ATP13A3: variants seen among roughly 807,000 people sequenced by gnomAD.
The protein encoded by ATP13A3 is ATPase 13A3, also known as polyamine-transporting ATPase 13A3.
In ATP13A3, 59 loss-of-function variants were observed where a neutral mutation model predicts 158.1. The observed-to-expected ratio is 0.37, with a 90% CI of 0.30 to 0.46. The LOEUF (loss-of-function observed/expected upper bound fraction) is 0.46, where lower values mean the gene tolerates loss of function less well. Among genes scored for constraint, ATP13A3 ranks in the 20% least tolerant of loss-of-function variants. The pLI, the probability that ATP13A3 is intolerant of heterozygous loss-of-function variation, is 1.00. For synonymous variants in ATP13A3, 491 were observed against 504.3 expected (o/e 0.97, Z 0.35); for missense variants, 1,166 against 1,525.2 (o/e 0.76, Z 3.92).
chr3:194,429,572 C>A (rs1397030875), intron 27 of ATP13A3, 106 bp downstream of exon 27: 2 of 755,212 alleles, frequency 2.6e-6, no homozygotes, highest in Non-Finnish European at 4.1e-6. Flanking sequence ...GTACTACTCA[C>A]AGAAACAATT....
chr3:194,432,019 T>A, intron 21 of ATP13A3, 127 bp from the exon 22 acceptor site: 2 of 739,036 alleles, frequency 2.7e-6, no homozygotes, highest in Non-Finnish European at 1.9e-6. Context: ...AATGTATGGT[T>A]CTTCCACTTA....
intron 13 of ATP13A3, 40 bp downstream of exon 13, chr3:194,447,812 A>C (rs761732690): frequency 6.6e-7 from 1 of 1,507,182 alleles, no homozygotes; most frequent in Non-Finnish European, 9.1e-7. Context: ...TATGATAAAT[A>C]ATTGAGGTTC....
rs112930664 is a variant in ATP13A3, at chr3:194,486,637, A to G, written c.-160T>C. ...CCTCGCGGCCGGACCAGCCCCAGGG[A>G]CCGCGGGGGACCCGGCCGCCGCTGT... On this transcript the variant is annotated 5_prime_UTR_variant, in exon 1 of 34. Transcript: ENST00000645319. 1 allele frequency: 148,858 copies of G among 148,868 alleles called. 74,424 individuals are homozygous for G. The highest frequency in any genetic ancestry group is 1 in the Middle Eastern group (296 of 296). The allele number at this position is 148,868 out of a possible 1,614,324, so 9.2% of individuals were successfully genotyped here.
intron 30 of ATP13A3, among the ~76,000 whole-genome samples, chr3:194,421,122 A>ATATATATAG (rs1716272717): frequency 2.8e-5 from 2 of 71,954 alleles, no homozygotes; most frequent in African/African-American, 2.2e-4. Context: ...GTGTATATAT[A>ATATATATAG]TATATATATA....
chr3:194,421,134 ATAG>A (rs1303288164), intron 30 of ATP13A3, among the ~76,000 whole-genome samples: 1 of 20,570 alleles, frequency 4.9e-5, no homozygotes, highest in South Asian at 2.3e-3. Context: ...ATATATATAT[ATAG>A]TATATATATA....
rs73889876 is a variant in ATP13A3 at position 194,460,596 on chromosome 3, T to C, written c.225+62A>G. On this transcript the variant is annotated intron_variant, in intron 4 of 33. Transcript: ENST00000645319. ...CCTTCATCTATTATTTCGAATAAAG[T>C]ATACACAAAGACATTGTTTTACTCC... is the stretch of plus-strand genomic sequence containing the variant. 7.6e-3 allele frequency: 11,443 copies of C among 1,512,754 alleles called. 230 individuals carry two copies. The highest frequency in any genetic ancestry group is 0.058 in the East Asian group (2,532 of 43,684). The allele number at this position is 1,512,754 out of a possible 1,614,324, so 93.7% of individuals were successfully genotyped here.
In ATP13A3 at chr3:194,458,340, C is replaced by CA. The variant is rs202177921; in HGVS notation, c.479+1130dup. On this transcript the variant is annotated intron_variant, in intron 6 of 33. Transcript: ENST00000645319. ...AAGGCAGCAGGGGCCAGTGCCAAGT[C>CA]AAAAAAAAAAAAAAATTTTTTTTTT... 5.2e-3 allele frequency among the ~76,000 whole-genome samples: 709 copies of CA among 135,320 alleles called. 1 individual carries two copies. The highest frequency in any genetic ancestry group is 0.011 in the Admixed American group (151 of 13,464). The allele number at this position is 135,320 out of a possible 152,430, so 88.8% of individuals were successfully genotyped here.
chr3:194,481,785 C>T (rs1475717429), intron 2 of ATP13A3, among the ~76,000 whole-genome samples: 1 of 152,184 alleles, frequency 6.6e-6, no homozygotes, highest in African/African-American at 2.4e-5. Context: ...ACTTAAGTGA[C>T]TTTTTCTGGA....
chr3:194,464,649 T>A (rs1199078571), intron 2 of ATP13A3, among the ~76,000 whole-genome samples: 2 of 152,216 alleles, frequency 1.3e-5, no homozygotes, highest in Admixed American at 1.3e-4. Flanking sequence ...GACCTTTTGC[T>A]CTGACACTGT....
At chr3:194,438,770 C>A in intron 17 of ATP13A3, 86 bp downstream of exon 17, 1 of 869,910 alleles carries the variant, frequency 1.1e-6, no homozygotes, top group Non-Finnish European at 1.7e-6. Flanking sequence ...AAGACCTTGT[C>A]TCTATAAAAA....
At position 194,432,131 on chromosome 3, in the gene ATP13A3, A is replaced by T. The variant is rs1011882895; in HGVS notation, c.2246-239T>A. The T allele has an allele frequency of 7.2e-6, 3 of 413,948 alleles. No homozygotes were observed. In the East Asian group the frequency reaches 1.2e-4, roughly 17 times the overall value. 25.6% of individuals were successfully genotyped at this position (413,948 alleles called of 1,614,324 possible). A position where few individuals can be genotyped will look rare whatever the true frequency, so the allele number is the denominator to read the frequency against. On this transcript the variant is annotated intron_variant, in intron 21 of 33. Transcript: ENST00000645319. ...AAAACATCTCACCCACAATTTTTAAAGCCAAATATAATTCTCAATCTTTTC... is the reference window on the plus strand; with the variant it reads ...AAAACATCTCACCCACAATTTTTAATGCCAAATATAATTCTCAATCTTTTC...
At chr3:194,413,714 A>G (rs770988041) in intron 32 of ATP13A3, 45 bp downstream of exon 32, 2 of 1,520,160 alleles carry the variant, frequency 1.3e-6, no homozygotes, top group Admixed American at 1.7e-5. Flanking sequence ...ATCACCCAAG[A>G]ATTCCAAAGC....
At chr3:194,424,135 T>C (rs959051065) in intron 30 of ATP13A3, among the ~76,000 whole-genome samples, 2 of 151,894 alleles carry the variant, frequency 1.3e-5, no homozygotes, top group African/African-American at 2.4e-5. Context: ...AGGTTTTTCA[T>C]CCTGTAGCAT....
intron 29 of ATP13A3, among the ~76,000 whole-genome samples, chr3:194,426,771 C>CT (rs1178196909): frequency 2.6e-5 from 4 of 152,140 alleles, no homozygotes; most frequent in African/African-American, 9.7e-5. Flanking sequence ...AGTGATTCTC[C>CT]TGCCTCAAGC....
intron 13 of ATP13A3, among the ~76,000 whole-genome samples, chr3:194,447,428 G>A (rs894508448): frequency 1.3e-5 from 2 of 152,094 alleles, no homozygotes; most frequent in African/African-American, 4.8e-5. Context: ...TTGACTCAGC[G>A]TGCACACACC....
At chr3:194,434,497 G>A (rs1717474695) in intron 20 of ATP13A3, among the ~76,000 whole-genome samples, 2 of 152,212 alleles carry the variant, frequency 1.3e-5, no homozygotes, top group South Asian at 4.1e-4. Flanking sequence ...GACAAAAAGG[G>A]ATGATCTCTG....
chr3:194,420,897 C>A (rs1241383511), intron 30 of ATP13A3, among the ~76,000 whole-genome samples: 5 of 150,882 alleles, frequency 3.3e-5, no homozygotes, highest in Non-Finnish European at 7.4e-5. Flanking sequence ...TTTACTAAGA[C>A]CACATACAAA....
intron 11 of ATP13A3, among the ~76,000 whole-genome samples, chr3:194,449,368 A>C (rs536638986): frequency 7.2e-5 from 11 of 152,316 alleles, no homozygotes; most frequent in Admixed American, 5.2e-4. Context: ...ACAATTAAAA[A>C]AAAAATTCAC....
intron 11 of ATP13A3, among the ~76,000 whole-genome samples, chr3:194,449,666 G>C (rs1281559130): frequency 6.6e-6 from 1 of 151,120 alleles, no homozygotes; most frequent in African/African-American, 2.4e-5. Flanking sequence ...GACAGAACAA[G>C]GCTCTGTCTC....
Sources: gnomAD v4.1 joint callset for allele counts (sites outside exome capture counted in the v4.1 genomes callset) on GRCh38, gnomAD v4.1.1 for gene constraint, MANE v1.5 for transcripts, NCBI Gene and HGNC (gene_info 2026-07-23, HGNC 2026-07-21) for gene names.